SPTBN1: variants seen among roughly 807,000 people sequenced by gnomAD.
SPTBN1 encodes the protein spectrin beta, non-erythrocytic 1.
SPTBN1 carries 32 observed loss-of-function variants against 266.4 expected under a neutral mutation model. The observed-to-expected ratio is 0.12, with a 90% CI of 0.09 to 0.16. SPTBN1 has a LOEUF of 0.16. Among genes scored for constraint, SPTBN1 ranks in the 10% least tolerant of loss-of-function variants. The pLI, the probability that SPTBN1 is intolerant of heterozygous loss-of-function variation, is 1.00. For synonymous variants in SPTBN1, 1,336 were observed against 1,162.2 expected (o/e 1.15, Z -3.04); for missense variants, 2,296 against 3,067.1 (o/e 0.75, Z 5.94).
rs1298866969 is a variant in SPTBN1 at position 54,632,687 on chromosome 2, T to C, written c.3686T>C (p.Val1229Ala). The C allele has an allele frequency of 6.2e-7, 1 of 1,614,034 alleles. No individual in the cohort carries two copies. Among genetic ancestry groups the C allele is most frequent in the African/African-American group, 1.3e-5 (1 of 74,914 alleles). ...DANEEKINAV[V>A]ETGRRLVSDG... is the part of the protein sequence containing the mutation. ...AATGAGGAGAAGATCAATGCTGTGG[T>C]GGAGACTGGCCGGAGGCTGGTGAGC... is the stretch of plus-strand genomic sequence containing the variant. The change falls in exon 17 of 36, where the codon GTG (valine) becomes GCG (alanine). Residue 1229 changes from valine to alanine, a missense_variant. Val to Ala is a moderately conservative substitution (Grantham distance 64, BLOSUM62 0). Transcript: ENST00000356805.
chr2:54,548,920 T>G (rs1388137038), intron 2 of SPTBN1, among the ~76,000 whole-genome samples: 1 of 152,186 alleles, frequency 6.6e-6, no homozygotes, highest in Non-Finnish European at 1.5e-5. Context: ...CTTGTTTTCA[T>G]CAGTGTTCAG....
chr2:54,632,337 C>A (rs1178305726), intron 16 of SPTBN1, among the ~76,000 whole-genome samples: 1 of 152,086 alleles, frequency 6.6e-6, no homozygotes, highest in Non-Finnish European at 1.5e-5. Context: ...TTCCTTTCCT[C>A]ACTCTCTTTG....
intron 1 of SPTBN1, among the ~76,000 whole-genome samples, chr2:54,517,789 G>T (rs1264192642): frequency 6.6e-6 from 1 of 151,994 alleles, no homozygotes; most frequent in African/African-American, 2.4e-5. Flanking sequence ...GGGATTATAG[G>T]CGCCCGCCAC....
chr2:54,519,656 T>C (rs1670315648), intron 1 of SPTBN1, among the ~76,000 whole-genome samples: 2 of 152,230 alleles, frequency 1.3e-5, no homozygotes, highest in Admixed American at 1.3e-4. Flanking sequence ...GGCATTATTC[T>C]GATGGCATTG....
chr2:54,533,879 A>ATC lies in SPTBN1; in HGVS notation c.148+7323_148+7324dup, dbSNP rs1053690176. ...TGTAGTAATTTAGGGGGAAAGATTG[A>ATC]TCTCTCTCTCTGTCTCTCTCTCACA... On this transcript the variant is annotated intron_variant, in intron 2 of 35. Transcript: ENST00000356805. The surrounding 1 kb of genome is among the most constrained non-coding windows in gnomAD (Gnocchi z 4.2). Among the ~76,000 whole-genome samples, 254 of 146,156 alleles carry ATC rather than the reference A, an allele frequency of 1.7e-3. No homozygotes were observed. In the Middle Eastern group the frequency reaches 0.021, roughly 12 times the overall value.
chr2:54,623,670 C>A, intron 10 of SPTBN1, 74 bp downstream of exon 10: 1 of 1,212,880 alleles, frequency 8.2e-7, no homozygotes, highest in Admixed American at 2.2e-5. Flanking sequence ...GTCTCGACTG[C>A]TAAGAGGACA....
At chr2:54,464,730 C>T (rs1268571715) in intron 1 of SPTBN1, among the ~76,000 whole-genome samples, 2 of 152,178 alleles carry the variant, frequency 1.3e-5, no homozygotes, top group African/African-American at 2.4e-5. Flanking sequence ...TATTCTGTTG[C>T]CCAGGCTGGA....
At chr2:54,593,313 C>A (rs558299927) in intron 2 of SPTBN1, among the ~76,000 whole-genome samples, 37 of 152,258 alleles carry the variant, frequency 2.4e-4, no homozygotes, top group South Asian at 1.9e-3. Context: ...TATTTTGAGA[C>A]CATTGTTAGG....
intron 1 of SPTBN1, among the ~76,000 whole-genome samples, chr2:54,518,851 A>G (rs964420271): frequency 6.6e-6 from 1 of 152,152 alleles, no homozygotes; most frequent in Non-Finnish European, 1.5e-5. Context: ...TGAAAATTCC[A>G]TGTATTCTCT....
At chr2:54,517,337 A>T (rs1558797248) in intron 1 of SPTBN1, among the ~76,000 whole-genome samples, 1 of 151,686 alleles carries the variant, frequency 6.6e-6, no homozygotes, top group Non-Finnish European at 1.5e-5. Context: ...AATAGAGTTC[A>T]TATGTTAATA....
intron 2 of SPTBN1, among the ~76,000 whole-genome samples, chr2:54,579,637 T>TA (rs59934645): frequency 0.14 from 22,068 of 152,206 alleles, 1,657 homozygotes; most frequent in Middle Eastern, 0.23. Flanking sequence ...ACTGGGAAGA[T>TA]ATATTGCTGC....
chr2:54,562,533 C>CTTTTTTTCTTTTTTTTTTT (rs746897447), intron 2 of SPTBN1, among the ~76,000 whole-genome samples: 6 of 126,822 alleles, frequency 4.7e-5, no homozygotes, highest in African/African-American at 1.6e-4. Context: ...TTTTCTTTTT[C>CTTTTTTTCTTTTTTTTTTT]TTTTTTTTTT....
intron 2 of SPTBN1, among the ~76,000 whole-genome samples, chr2:54,556,657 T>TTC (rs2104451172): frequency 1.4e-4 from 1 of 7,320 alleles, no homozygotes; most frequent in African/African-American, 5.5e-3. Flanking sequence ...TCAACTTCTC[T>TTC]TGTAGTCTTG....
Position 54,664,592 on chromosome 2 carries a change from C to T in SPTBN1, c.6560C>T (p.Thr2187Ile). ...KTALPAQSAA[T>I]LPARTQETPS... ...GCCCTCCCAGCCCAGAGTGCCGCCACCTTACCAGCCAGAACCCAGGAGACA... is the reference window on the plus strand; with the variant it reads ...GCCCTCCCAGCCCAGAGTGCCGCCATCTTACCAGCCAGAACCCAGGAGACA... The change falls in exon 33 of 36, where the codon ACC (threonine) becomes ATC (isoleucine). Residue 2187 changes from threonine (T) to isoleucine (I), a missense_variant. Coordinates refer to ENST00000356805, the MANE Select transcript of SPTBN1 (RefSeq NM_003128.3). The surrounding 1 kb of genome is among the most constrained non-coding windows in gnomAD (Gnocchi z 5.6). 1 of 1,614,178 alleles carries T rather than the reference C, an allele frequency of 6.2e-7. No homozygotes were observed. Among genetic ancestry groups the T allele is most frequent in the Non-Finnish European group, 8.5e-7 (1 of 1,180,044 alleles).
chr2:54,583,974 C>T (rs1238754081), intron 2 of SPTBN1, among the ~76,000 whole-genome samples: 1 of 152,128 alleles, frequency 6.6e-6, no homozygotes, highest in African/African-American at 2.4e-5. Flanking sequence ...AACAGAAAAC[C>T]AGCAGTGTAT....
intron 6 of SPTBN1, 130 bp downstream of exon 6, chr2:54,617,818 G>T (rs563390224): frequency 2.3e-6 from 2 of 863,430 alleles, no homozygotes; most frequent in South Asian, 1.7e-5. Flanking sequence ...TGCATTCCAT[G>T]TGAGGAAAAT....
chr2:54,568,080 C>G (rs975486715), intron 2 of SPTBN1, among the ~76,000 whole-genome samples: 1 of 152,086 alleles, frequency 6.6e-6, no homozygotes, highest in African/African-American at 2.4e-5. Context: ...TATGCCTGTT[C>G]AAGTTTAAGA....
chr2:54,497,417 C>A (rs904991688), intron 1 of SPTBN1, among the ~76,000 whole-genome samples: 2 of 152,000 alleles, frequency 1.3e-5, no homozygotes, highest in Non-Finnish European at 2.9e-5. Flanking sequence ...TTCCTTCTTC[C>A]TTTGAGACTC....
At chr2:54,498,359 A>G (rs1225522132) in intron 1 of SPTBN1, among the ~76,000 whole-genome samples, 1 of 152,190 alleles carries the variant, frequency 6.6e-6, no homozygotes, top group African/African-American at 2.4e-5. Context: ...ATAGCTACAC[A>G]TGGCTTGTGA....
Sources: allele counts gnomAD v4.1 joint callset (sites outside exome capture counted in the v4.1 genomes callset), GRCh38; gene constraint gnomAD v4.1.1; non-coding constraint Gnocchi (gnomAD v3.1); transcripts MANE v1.5; gene names NCBI Gene and HGNC (gene_info 2026-07-23, HGNC 2026-07-21).